SGCD: variants seen among roughly 807,000 people sequenced by gnomAD.
The protein encoded by SGCD is sarcoglycan delta.
Under a neutral mutation model 36.6 loss-of-function variants are expected in SGCD, and 18 were observed. The ratio of observed to expected loss-of-function variants is 0.49; its 90% CI spans 0.34 to 0.73. The LOEUF is 0.73. SGCD is among the 30% of genes least tolerant of loss of function. SGCD has a pLI of 0.01. For missense variants in SGCD, 387 were observed against 346.7 expected, an observed-to-expected ratio of 1.12 and a Z score of -0.92; for synonymous variants, 133 against 130.6, an observed-to-expected ratio of 1.02 and a Z score of -0.12.
intron 3 of SGCD, among the ~76,000 whole-genome samples, chr5:156,421,341 C>T (rs910431232): frequency 1.3e-5 from 2 of 152,072 alleles, no homozygotes; most frequent in African/African-American, 4.8e-5. Flanking sequence ...TCGAGTGACA[C>T]TTTGACAGCG....
At chr5:156,187,896 G>T (rs1316986683) in intron 3 of SGCD, among the ~76,000 whole-genome samples, 1 of 152,186 alleles carries the variant, frequency 6.6e-6, no homozygotes, top group African/African-American at 2.4e-5. Context: ...TTCCCAGGCT[G>T]CTCTCTCCTC....
intron 3 of SGCD, among the ~76,000 whole-genome samples, chr5:156,366,501 T>C (rs139584599): frequency 2.6e-4 from 40 of 152,256 alleles, no homozygotes; most frequent in African/African-American, 7.5e-4. Flanking sequence ...AAATACTTTG[T>C]ACTGAGAAAA....
At position 156,503,885 on chromosome 5, in the gene SGCD, G is replaced by C. The variant is rs564238104; in HGVS notation, c.193-4716G>C. On this transcript the variant is annotated intron_variant, in intron 3 of 8. Coordinates refer to ENST00000337851, the MANE Select transcript of SGCD (RefSeq NM_000337.6). Reference sequence around the variant, plus strand: ...TAAGAGTTTTTTTTTAATTACTATTGGTGTTTCTAGAAGATTTTAGAAAAT... The same window carrying C: ...TAAGAGTTTTTTTTTAATTACTATTCGTGTTTCTAGAAGATTTTAGAAAAT... Among the ~76,000 whole-genome samples the C allele has an allele frequency of 2.4e-4, 37 of 151,778 alleles. No homozygotes were observed. In the South Asian group the frequency reaches 7.7e-3, roughly 32 times the overall value.
At position 156,060,412 on chromosome 5, in the gene SGCD, A is replaced by C. The variant is rs1760174745; in HGVS notation, c.-281-57466A>C. ...TCAGGTTATAGAGAAGGTTTAGAACAGCTAAAAAGTCTTTCTATCTTCTAG... is the reference window on the plus strand; with the variant it reads ...TCAGGTTATAGAGAAGGTTTAGAACCGCTAAAAAGTCTTTCTATCTTCTAG... On this transcript the variant is annotated intron_variant, in intron 1 of 9. Coordinates refer to the SGCD transcript ENST00000517913. Among the ~76,000 whole-genome samples, 8 of 146,616 alleles carry C rather than the reference A, an allele frequency of 5.5e-5. 1 individual carries two copies. In the Admixed American group the frequency reaches 5.5e-4, roughly 10 times the overall value.
chr5:156,723,520 C>A (rs1375920509), intron 7 of SGCD, among the ~76,000 whole-genome samples: 2 of 152,148 alleles, frequency 1.3e-5, no homozygotes, highest in Non-Finnish European at 2.9e-5. Context: ...TCCAGCAATA[C>A]CGTAAATATA....
At chr5:156,301,902 A>T (rs542093225) in intron 3 of SGCD, among the ~76,000 whole-genome samples, 13 of 146,152 alleles carry the variant, frequency 8.9e-5, no homozygotes, top group African/African-American at 3.3e-4. Context: ...GCTCCTTTTT[A>T]TGTTATTTAT....
At chr5:156,030,770 G>T (rs77079151) in intron 1 of SGCD, among the ~76,000 whole-genome samples, 1,876 of 152,244 alleles carry the variant, frequency 0.012, 16 homozygotes, top group African/African-American at 0.03. Flanking sequence ...AGTGAGCAGG[G>T]TTGGGACATC....
chr5:156,004,632 G>A (rs1394363687), intron 1 of SGCD, among the ~76,000 whole-genome samples: 1 of 152,182 alleles, frequency 6.6e-6, no homozygotes, highest in Non-Finnish European at 1.5e-5. Flanking sequence ...TGTGTTTTGA[G>A]TAGGAAAGAA....
intron 3 of SGCD, among the ~76,000 whole-genome samples, chr5:156,218,368 A>G (rs1031274856): frequency 2.0e-5 from 3 of 152,218 alleles, no homozygotes; most frequent in African/African-American, 7.2e-5. Flanking sequence ...AATTAAAATG[A>G]TTCAAATTTA....
chr5:156,618,747 G>C (rs1394687643), intron 6 of SGCD, among the ~76,000 whole-genome samples: 1 of 152,090 alleles, frequency 6.6e-6, no homozygotes, highest in African/African-American at 2.4e-5. Flanking sequence ...GATGCAGAAG[G>C]AAAAGGCATT....
intron 2 of SGCD, among the ~76,000 whole-genome samples, chr5:156,331,902 C>G (rs190041049): frequency 1.3e-5 from 2 of 152,196 alleles, no homozygotes; most frequent in African/African-American, 2.4e-5. Flanking sequence ...TCATTCCTAT[C>G]GTTACCTATG....
intron 1 of SGCD, among the ~76,000 whole-genome samples, chr5:155,946,147 C>T (rs1245519253): frequency 6.6e-6 from 1 of 152,156 alleles, no homozygotes; most frequent in East Asian, 1.9e-4. Flanking sequence ...GGATTGCAAA[C>T]AGCGGGTCTG....
At chr5:155,820,777 G>A in the SGCD span, among the ~76,000 whole-genome samples, 8 of 152,138 alleles carry the variant, frequency 5.3e-5, no homozygotes, top group Non-Finnish European at 1.0e-4. Context: ...TACAAGAGTT[G>A]TGGTTATATC....
chr5:155,809,419 C>A, the SGCD span, among the ~76,000 whole-genome samples: 1 of 152,192 alleles, frequency 6.6e-6, no homozygotes, highest in Non-Finnish European at 1.5e-5. Flanking sequence ...GGACACTAGT[C>A]TGGAGGTATG....
At chr5:156,443,332 A>T (rs1753583125) in intron 3 of SGCD, among the ~76,000 whole-genome samples, 1 of 152,100 alleles carries the variant, frequency 6.6e-6, no homozygotes, top group Non-Finnish European at 1.5e-5. Context: ...TGAGACTAAC[A>T]TTTCAAAAGA....
At chr5:156,628,422 A>G (rs770716621) in intron 6 of SGCD, among the ~76,000 whole-genome samples, 1 of 152,220 alleles carries the variant, frequency 6.6e-6, no homozygotes, top group Non-Finnish European at 1.5e-5. Flanking sequence ...CCTTTGTTCA[A>G]ATTCAGTAAC....
At chr5:156,098,050 G>A (rs999586424) in intron 1 of SGCD, among the ~76,000 whole-genome samples, 3 of 152,318 alleles carry the variant, frequency 2.0e-5, no homozygotes, top group South Asian at 2.1e-4. Flanking sequence ...ATTTCTCTGA[G>A]TTGGGAGGGA....
At chr5:156,709,826 C>T (rs1002669847) in intron 7 of SGCD, among the ~76,000 whole-genome samples, 6 of 49,576 alleles carry the variant, frequency 1.2e-4, no homozygotes, top group Admixed American at 5.5e-4. Flanking sequence ...ATGTTCCTGC[C>T]GCCCCCTCCC....
intron 1 of SGCD, among the ~76,000 whole-genome samples, chr5:155,979,986 T>C (rs1758194397): frequency 6.6e-6 from 1 of 152,126 alleles, no homozygotes; most frequent in Non-Finnish European, 1.5e-5. Context: ...TCCACCTTCA[T>C]GACCTAATCA....
Sources: allele counts gnomAD v4.1 joint callset (sites outside exome capture counted in the v4.1 genomes callset), GRCh38; gene constraint gnomAD v4.1.1; transcripts MANE v1.5; gene names NCBI Gene and HGNC (gene_info 2026-07-23, HGNC 2026-07-21).